Variants in ELP6 observed in about 807,000 individuals in gnomAD.
ELP6 encodes elongator acetyltransferase complex subunit 6, also known as elongator complex protein 6.
ELP6 carries 23 observed loss-of-function variants against 28.1 expected under a neutral mutation model. That is an observed-to-expected ratio of 0.82 (90% confidence interval 0.59 to 1.16). The LOEUF is 1.16. Among genes scored for constraint, ELP6 ranks in the 50% most tolerant of loss-of-function variants. The pLI is 0.00. For missense variants in ELP6, 313 were observed against 334.6 expected (o/e 0.94, Z 0.50); for synonymous variants, 132 against 135.8 (o/e 0.97, Z 0.19).
At chr3:47,508,076 C>T (rs1708898378) in intron 3 of ELP6, among the ~76,000 whole-genome samples, 1 of 152,196 alleles carries the variant, frequency 6.6e-6, no homozygotes, top group Non-Finnish European at 1.5e-5. Flanking sequence ...TCTCCCTGGG[C>T]TCCTGCCCCG....
chr3:47,499,916 A>AC, intron 5 of ELP6: 1 of 1,331,464 alleles, frequency 7.5e-7, no homozygotes. Context: ...GGAGGACGTG[A>AC]CCCTCAACCG....
chr3:47,501,598 C>G (rs1708652871), intron 5 of ELP6, 52 bp downstream of exon 5: 2 of 1,569,354 alleles, frequency 1.3e-6, no homozygotes, highest in Admixed American at 3.3e-5. Context: ...CTGGACCTGT[C>G]TGAGTTCTTG....
At chr3:47,496,774 G>C (rs1191645489) in intron 6 of ELP6, 2 of 984,738 alleles carry the variant, frequency 2.0e-6, no homozygotes, top group East Asian at 2.3e-4. Context: ...GATTACAGGC[G>C]TGAGCCACTG....
intron 3 of ELP6, among the ~76,000 whole-genome samples, chr3:47,504,927 T>A (rs993803944): frequency 6.6e-6 from 1 of 152,000 alleles, no homozygotes; most frequent in African/African-American, 2.4e-5. Flanking sequence ...GCTGCTGCAC[T>A]CCAGCCTGAG....
At chr3:47,512,475 C>T (rs1388683915) in intron 1 of ELP6, 2 of 360,590 alleles carry the variant, frequency 5.5e-6, no homozygotes, top group Non-Finnish European at 7.7e-6. Context: ...TCACTTGAAC[C>T]CGGGAGGTGA....
rs889733186 is a variant in ELP6 at position 47,512,577 on chromosome 3, A to C, written c.54+960T>G. The C allele has an allele frequency of 5.1e-6, 5 of 980,668 alleles. No individual in the cohort carries two copies. The African/African-American group carries it at 8.7e-5, about 17-fold the overall frequency. The allele number at this position is 980,668 out of a possible 1,614,324, so 60.7% of individuals were successfully genotyped here. A position where few individuals can be genotyped will look rare whatever the true frequency, so the allele number is the denominator to read the frequency against. ...AATAAATAAATAAATAAATAAGCCAAAAGATACACTCCTGAAAGAGGTTAC... is the reference window on the plus strand; with the variant it reads ...AATAAATAAATAAATAAATAAGCCACAAGATACACTCCTGAAAGAGGTTAC... On this transcript the variant is annotated intron_variant, in intron 1 of 6. Transcript: ENST00000296149.
chr3:47,502,198 G>C (rs1353681148), intron 4 of ELP6, among the ~76,000 whole-genome samples: 1 of 151,442 alleles, frequency 6.6e-6, no homozygotes, highest in African/African-American at 2.4e-5. Flanking sequence ...CACTTGAGGT[G>C]AGGAGTTCGA....
rs1487456295 is a variant in ELP6, at chr3:47,497,272, T to C, written c.672+1014A>G. The stretch of plus-strand genomic sequence containing the variant: ...AGTTTCTGCCCAAGTACTCCAATTG[T>C]TCTGGTGAGTGGCAGCAGTTGGGGC... On this transcript the variant is annotated intron_variant, in intron 6 of 6. Coordinates refer to ENST00000296149, the MANE Select transcript of ELP6 (RefSeq NM_001031703.3). The C allele has an allele frequency of 6.1e-6, 6 of 985,238 alleles. No individual in the cohort carries two copies. The African/African-American group carries it at 1.0e-4, about 17-fold the overall frequency. The allele number at this position is 985,238 out of a possible 1,614,324, so 61.0% of individuals were successfully genotyped here.
chr3:47,501,555 G>C, intron 5 of ELP6, 95 bp downstream of exon 5: 5 of 1,326,156 alleles, frequency 3.8e-6, no homozygotes, highest in Non-Finnish European at 5.3e-6. Context: ...AAAACCCCAA[G>C]CAAATAAAAA....
At chr3:47,504,647 TTTAA>T in intron 3 of ELP6, 199 bp from the exon 4 acceptor site, 1 of 985,396 alleles carries the variant, frequency 1.0e-6, no homozygotes, top group Non-Finnish European at 1.2e-6. Context: ...TGTATTTCCA[TTTAA>T]TTGTTACATT....
intron 3 of ELP6, among the ~76,000 whole-genome samples, chr3:47,507,867 C>CATA (rs1357338013): frequency 1.3e-5 from 2 of 151,816 alleles, no homozygotes; most frequent in Non-Finnish European, 2.9e-5. Flanking sequence ...AGTATAGAAG[C>CATA]TCACGCTCCA....
chr3:47,512,165 G>T, intron 1 of ELP6: 1 of 653,130 alleles, frequency 1.5e-6, no homozygotes, highest in Non-Finnish European at 1.9e-6. Context: ...GCGCTATGGG[G>T]TCATAAAAAG....
chr3:47,499,116 G>A (rs1708563478), intron 5 of ELP6, among the ~76,000 whole-genome samples: 1 of 152,250 alleles, frequency 6.6e-6, no homozygotes, highest in Non-Finnish European at 1.5e-5. Context: ...AGTGGTGCAT[G>A]CCTGTAATCC....
At chr3:47,500,031 G>A (rs895401667) in intron 5 of ELP6, 1 of 1,288,094 alleles carries the variant, frequency 7.8e-7, no homozygotes, top group African/African-American at 1.5e-5. Flanking sequence ...GGAGGCTCTC[G>A]CACATCCATG....
chr3:47,513,541 T>A lies in ELP6; in HGVS notation c.50A>T (p.Glu17Val). 1.2e-6 allele frequency: 2 copies of A among 1,612,850 alleles called. No individual in the cohort carries two copies. Among genetic ancestry groups the A allele is most frequent in the Non-Finnish European group, 1.7e-6 (2 of 1,179,470 alleles). ...CCGGCCAGCGGGACCTCTTACCTGC[T>A]CCGCCCTGTCGGGGGTGGTGTTAAG... ...NLLNTTPDRA[E>V]QGKLTLLCDA... Residue 17 changes from glutamate to valine, a missense_variant, in exon 1 of 7, where the codon GAG becomes GTG. Transcript: ENST00000296149.
At chr3:47,511,017 AG>A in intron 2 of ELP6, 130 bp downstream of exon 2, 1 of 698,964 alleles carries the variant, frequency 1.4e-6, no homozygotes, top group South Asian at 1.9e-5. Flanking sequence ...CTAATAAAAT[AG>A]CCCCCCTAGG....
chr3:47,505,505 A>G (rs1452423473), intron 3 of ELP6, among the ~76,000 whole-genome samples: 1 of 152,112 alleles, frequency 6.6e-6, no homozygotes, highest in East Asian at 1.9e-4. Flanking sequence ...CCTAGGTTCA[A>G]GCGATTCTTG....
chr3:47,504,764 T>A, intron 3 of ELP6: 2 of 435,358 alleles, frequency 4.6e-6, no homozygotes, highest in Non-Finnish European at 6.1e-6. Context: ...GAGACAAGCC[T>A]GGGCAACATG....
intron 4 of ELP6, 36 bp from the exon 5 acceptor site, chr3:47,501,887 C>A: frequency 6.3e-7 from 1 of 1,585,252 alleles, no homozygotes; most frequent in African/African-American, 1.3e-5. Flanking sequence ...AGACTTCACT[C>A]TCTCTACAGA....
Sources: allele counts gnomAD v4.1 joint callset (sites outside exome capture counted in the v4.1 genomes callset), GRCh38; gene constraint gnomAD v4.1.1; transcripts MANE v1.5; gene names NCBI Gene and HGNC (gene_info 2026-07-23, HGNC 2026-07-21).